PDE4D: variants seen among roughly 807,000 people sequenced by gnomAD.
PDE4D encodes the protein phosphodiesterase 4D.
In PDE4D, 24 loss-of-function variants were observed where a neutral mutation model predicts 87.4. The observed-to-expected ratio is 0.27, with a 90% confidence interval of 0.20 to 0.39. The LOEUF (loss-of-function observed/expected upper bound fraction) is 0.39, where lower values mean the gene tolerates loss of function less well. PDE4D is among the 10% of genes least tolerant of loss of function. The probability of loss-of-function intolerance (pLI) is 1.00; values close to 1 mark genes in which losing one functional copy is unlikely to be tolerated. For synonymous variants in PDE4D, 384 were observed against 383.2 expected (o/e 1.00, Z -0.02); for missense variants, 714 against 1,041.0 (o/e 0.69, Z 4.32).
At chr5:59,823,769 G>A (rs1378543244) in intron 1 of PDE4D, among the ~76,000 whole-genome samples, 1 of 148,586 alleles carries the variant, frequency 6.7e-6, no homozygotes, top group Non-Finnish European at 1.5e-5. Flanking sequence ...CTCTCCTTCA[G>A]ACTTATTACT....
At chr5:59,727,250 A>G (rs1398243268) in intron 1 of PDE4D, among the ~76,000 whole-genome samples, 2 of 152,098 alleles carry the variant, frequency 1.3e-5, no homozygotes, top group Non-Finnish European at 2.9e-5. Flanking sequence ...TCTATCAACA[A>G]TGTTAGAAGT....
chr5:60,423,577 A>C (rs545338772), intron 1 of PDE4D, among the ~76,000 whole-genome samples: 6 of 152,262 alleles, frequency 3.9e-5, no homozygotes, highest in African/African-American at 9.6e-5. Context: ...CACTAAATGC[A>C]CACAAGAGAA....
At chr5:59,686,249 C>A (rs557989956) in intron 1 of PDE4D, among the ~76,000 whole-genome samples, 2 of 152,230 alleles carry the variant, frequency 1.3e-5, no homozygotes, top group South Asian at 4.1e-4. Context: ...TACTTGCCTG[C>A]CAAGCCCAGT....
At chr5:60,128,321 G>A (rs1274018936) in intron 2 of PDE4D, among the ~76,000 whole-genome samples, 5 of 152,220 alleles carry the variant, frequency 3.3e-5, no homozygotes, top group Admixed American at 6.5e-5. Flanking sequence ...ATAGAGTGCA[G>A]TATCATCTGA....
At chr5:59,733,768 T>C (rs1440239238) in intron 1 of PDE4D, among the ~76,000 whole-genome samples, 1 of 152,090 alleles carries the variant, frequency 6.6e-6, no homozygotes, top group Admixed American at 6.6e-5. Context: ...TTCTTCACAG[T>C]CTTTAATTTC....
intron 1 of PDE4D, among the ~76,000 whole-genome samples, chr5:59,427,292 T>TACACACACACACACAC (rs60646746): frequency 2.6e-4 from 35 of 132,356 alleles, no homozygotes; most frequent in African/African-American, 5.4e-4. Context: ...AGTGATTTTA[T>TACACACACACACACAC]ACACACACAC....
chr5:59,284,406 C>T (rs1051073925), intron 1 of PDE4D, among the ~76,000 whole-genome samples: 9 of 152,214 alleles, frequency 5.9e-5, no homozygotes, highest in African/African-American at 1.9e-4. Context: ...TCTTTGAAAA[C>T]AGGGAATGAT....
At chr5:60,427,258 G>A (rs37691) in intron 1 of PDE4D, among the ~76,000 whole-genome samples, 62,664 of 151,938 alleles carry the variant, frequency 0.41, 14,113 homozygotes, top group South Asian at 0.59. Context: ...GCACATTGTA[G>A]TAAAACTGCA....
At chr5:60,375,881 A>T (rs1037687930) in intron 1 of PDE4D, among the ~76,000 whole-genome samples, 2 of 152,202 alleles carry the variant, frequency 1.3e-5, no homozygotes, top group African/African-American at 4.8e-5. Context: ...TCTACTAAAA[A>T]TACAACAATT....
rs866181028 is a variant in PDE4D at position 60,045,004 on chromosome 5, A to C, written c.43-56287T>G. On this transcript the variant is annotated intron_variant, in intron 2 of 16. Coordinates refer to the PDE4D transcript ENST00000502484. ...CAACAGTGTGAAAGTGTTCCTATTT[A>C]TCCACATCCTCTCCAGCACCTGTTG... 8.1e-3 allele frequency among the ~76,000 whole-genome samples: 1,228 copies of C among 152,136 alleles called. 11 individuals carry two copies. Among genetic ancestry groups the C allele is most frequent in the African/African-American group, 0.026 (1,071 of 41,490 alleles).
chr5:59,345,215 T>C (rs948346179), intron 1 of PDE4D, among the ~76,000 whole-genome samples: 2 of 152,208 alleles, frequency 1.3e-5, no homozygotes, highest in African/African-American at 4.8e-5. Flanking sequence ...CATTTACTAG[T>C]GTTTTTCAAC....
chr5:60,510,590 G>T (rs990443537), intron 1 of PDE4D, among the ~76,000 whole-genome samples: 1 of 152,178 alleles, frequency 6.6e-6, no homozygotes, highest in East Asian at 1.9e-4. Context: ...TCCTATGGCC[G>T]GAGTATAGGC....
intron 1 of PDE4D, among the ~76,000 whole-genome samples, chr5:60,444,912 GAAA>G (rs34069629): frequency 7.2e-6 from 1 of 138,208 alleles, no homozygotes. Flanking sequence ...CCTCTACTCA[GAAA>G]AAAAAAAAAA....
At chr5:59,623,221 C>CCCTA (rs1458239436) in intron 1 of PDE4D, among the ~76,000 whole-genome samples, 4 of 152,186 alleles carry the variant, frequency 2.6e-5, no homozygotes, top group Non-Finnish European at 5.9e-5. Context: ...TTCTGTAAGA[C>CCCTA]CCTACCCTCT....
intron 3 of PDE4D, among the ~76,000 whole-genome samples, chr5:59,946,018 A>G (rs1014704254): frequency 4.6e-5 from 7 of 152,202 alleles, no homozygotes; most frequent in African/African-American, 1.7e-4. Flanking sequence ...GCCTAAAAAC[A>G]GCCACCCCTC....
chr5:59,401,486 A>ATCTT (rs1296935019), intron 1 of PDE4D, among the ~76,000 whole-genome samples: 1 of 88,712 alleles, frequency 1.1e-5, no homozygotes, highest in African/African-American at 4.3e-5. Context: ...CTATCTATCT[A>ATCTT]TTTTGATCCC....
chr5:59,671,313 A>C (rs1243901638), intron 1 of PDE4D, among the ~76,000 whole-genome samples: 1 of 152,204 alleles, frequency 6.6e-6, no homozygotes, highest in African/African-American at 2.4e-5. Flanking sequence ...TTGAAAAAAA[A>C]TAGTAACTTC....
rs185388687 is a variant in PDE4D, at chr5:59,239,559, T to C, written c.456-23591A>G. On this transcript the variant is annotated intron_variant, in intron 1 of 14. Transcript: ENST00000340635. ...TAGCATTTCATATCCATTGTCTCAT[T>C]TGATTTTTATTACTATGCCGGATAA... Among the ~76,000 whole-genome samples the C allele has an allele frequency of 3.3e-5, 5 of 152,334 alleles. No individual in the cohort carries two copies. The East Asian group carries it at 7.7e-4, about 24-fold the overall frequency.
chr5:60,221,261 G>A (rs947611182), intron 1 of PDE4D, among the ~76,000 whole-genome samples: 2 of 151,606 alleles, frequency 1.3e-5, no homozygotes, highest in Non-Finnish European at 2.9e-5. Context: ...AAAAAAGACT[G>A]GGAAGTACAT....
Sources: gnomAD v4.1 joint callset for allele counts (sites outside exome capture counted in the v4.1 genomes callset) on GRCh38, gnomAD v4.1.1 for gene constraint, MANE v1.5 for transcripts, NCBI Gene and HGNC (gene_info 2026-07-23, HGNC 2026-07-21) for gene names.